The following ADPGK variants were observed in gnomAD, a reference collection of about 807,000 sequenced individuals.
ADPGK encodes ADP-dependent glucokinase.
Under a neutral mutation model 42.4 loss-of-function variants are expected in ADPGK, and 26 were observed. The observed-to-expected ratio is 0.61, with a 90% CI of 0.45 to 0.85. The LOEUF is 0.85. Among genes scored for constraint, ADPGK ranks in the 40% least tolerant of loss-of-function variants. ADPGK has a pLI of 0.00. For missense variants in ADPGK, 571 were observed against 627.0 expected, an observed-to-expected ratio of 0.91 and a Z score of 0.95; for synonymous variants, 267 against 252.6, an observed-to-expected ratio of 1.06 and a Z score of -0.54.
At chr15:72,779,759 C>T (rs2066434341) in intron 1 of ADPGK, among the ~76,000 whole-genome samples, 1 of 152,178 alleles carries the variant, frequency 6.6e-6, no homozygotes, top group Non-Finnish European at 1.5e-5. Context: ...GTGATCCTAT[C>T]CAGTCTCTGG....
chr15:72,755,423 TG>T (rs1428354857), intron 6 of ADPGK, 132 bp downstream of exon 6: 16 of 635,884 alleles, frequency 2.5e-5, no homozygotes, highest in Non-Finnish European at 3.6e-5. Flanking sequence ...TCCATGGACT[TG>T]GGTCTGAGTG....
intron 1 of ADPGK, among the ~76,000 whole-genome samples, chr15:72,779,049 A>G (rs1053520974): frequency 9.2e-5 from 14 of 152,168 alleles, no homozygotes; most frequent in Non-Finnish European, 4.4e-5. Flanking sequence ...TCAAACCCAG[A>G]TTTATCTGAT....
At chr15:72,783,193 G>A in intron 1 of ADPGK, 1 of 1,213,386 alleles carries the variant, frequency 8.2e-7, no homozygotes, top group Non-Finnish European at 1.0e-6. Flanking sequence ...AAGGCTCGGA[G>A]AAAGGTGTCA....
intron 6 of ADPGK, among the ~76,000 whole-genome samples, chr15:72,754,184 T>C (rs537641631): frequency 6.6e-6 from 1 of 151,520 alleles, no homozygotes; most frequent in East Asian, 1.9e-4. Context: ...TATTCAAGGA[T>C]GTGGAACCTG....
chr15:72,770,427 TC>T (rs2066314745), intron 3 of ADPGK, among the ~76,000 whole-genome samples: 1 of 152,158 alleles, frequency 6.6e-6, no homozygotes, highest in African/African-American at 2.4e-5. Context: ...CTGGGTATTG[TC>T]TTCCCAGAGG....
At chr15:72,773,732 A>G (rs568270587) in intron 2 of ADPGK, among the ~76,000 whole-genome samples, 2 of 152,348 alleles carry the variant, frequency 1.3e-5, no homozygotes, top group South Asian at 2.1e-4. Context: ...CTCATAAGAG[A>G]TAAGAATCTC....
At chr15:72,754,871 ATTTTC>A (rs1276006732) in intron 6 of ADPGK, among the ~76,000 whole-genome samples, 1 of 152,156 alleles carries the variant, frequency 6.6e-6, no homozygotes, top group Non-Finnish European at 1.5e-5. Flanking sequence ...ATATTTCTGT[ATTTTC>A]TTATACTTGT....
intron 3 of ADPGK, among the ~76,000 whole-genome samples, chr15:72,770,333 A>C (rs983650248): frequency 3.2e-4 from 48 of 152,222 alleles, no homozygotes; most frequent in African/African-American, 9.9e-4. Context: ...TCCCAGGACC[A>C]GCTACTCCAG....
At chr15:72,763,475 C>T (rs531782283) in intron 3 of ADPGK, among the ~76,000 whole-genome samples, 113 of 152,202 alleles carry the variant, frequency 7.4e-4, no homozygotes, top group Non-Finnish European at 1.3e-3. Context: ...CGTGAGCCAC[C>T]ATACCCAGCC....
At chr15:72,762,648 TTGTG>T (rs765264914) in intron 3 of ADPGK, among the ~76,000 whole-genome samples, 7 of 152,184 alleles carry the variant, frequency 4.6e-5, no homozygotes, top group Admixed American at 1.3e-4. Context: ...TTTCAAAACA[TTGTG>T]TGAACATCAG....
At chr15:72,779,309 C>T (rs977425283) in intron 1 of ADPGK, among the ~76,000 whole-genome samples, 6 of 136,950 alleles carry the variant, frequency 4.4e-5, no homozygotes, top group African/African-American at 1.1e-4. Context: ...AATGCAACGG[C>T]GCGATCTCGG....
intron 3 of ADPGK, among the ~76,000 whole-genome samples, chr15:72,761,089 C>T (rs993537062): frequency 3.3e-5 from 5 of 152,186 alleles, no homozygotes; most frequent in African/African-American, 1.2e-4. Flanking sequence ...AGACTTCTCA[C>T]CAGAAGCCAC....
intron 3 of ADPGK, among the ~76,000 whole-genome samples, chr15:72,765,735 C>G (rs530669830): frequency 6.6e-6 from 1 of 152,132 alleles, no homozygotes; most frequent in Non-Finnish European, 1.5e-5. Flanking sequence ...AGCCAGAGAA[C>G]TAGAATTAGA....
At chr15:72,774,286 G>A (rs2066363092) in intron 2 of ADPGK, among the ~76,000 whole-genome samples, 3 of 152,174 alleles carry the variant, frequency 2.0e-5, no homozygotes, top group Admixed American at 1.3e-4. Flanking sequence ...AAATGAGGAG[G>A]AAGAATGGGG....
At chr15:72,778,427 A>G (rs1401966856) in intron 1 of ADPGK, among the ~76,000 whole-genome samples, 3 of 152,180 alleles carry the variant, frequency 2.0e-5, no homozygotes, top group African/African-American at 7.2e-5. Context: ...GTCAAGGGGA[A>G]ATAAAGGGAG....
chr15:72,755,888 T>G, intron 5 of ADPGK: 2 of 655,742 alleles, frequency 3.0e-6, no homozygotes, highest in South Asian at 1.5e-5. Flanking sequence ...GAGATGGCAG[T>G]TCACTTCGAC....
intron 1 of ADPGK, among the ~76,000 whole-genome samples, chr15:72,777,411 C>A (rs187807839): frequency 1.9e-4 from 29 of 152,226 alleles, no homozygotes; most frequent in African/African-American, 6.7e-4. Flanking sequence ...ACTATAAACA[C>A]CCTCAAGCCT....
At chr15:72,780,815 TA>T (rs1328702923) in intron 1 of ADPGK, among the ~76,000 whole-genome samples, 1 of 152,172 alleles carries the variant, frequency 6.6e-6, no homozygotes, top group Non-Finnish European at 1.5e-5. Context: ...TATCCAATAT[TA>T]AAAACCTGTC....
At chr15:72,781,332 C>T (rs1055694211) in intron 1 of ADPGK, among the ~76,000 whole-genome samples, 10 of 152,134 alleles carry the variant, frequency 6.6e-5, no homozygotes, top group African/African-American at 2.4e-4. Context: ...CTGGTCCAAC[C>T]CTTCGTTCTC....
Sources: gnomAD v4.1 joint callset for allele counts (sites outside exome capture counted in the v4.1 genomes callset) on GRCh38, gnomAD v4.1.1 for gene constraint, MANE v1.5 for transcripts, NCBI Gene and HGNC (gene_info 2026-07-23, HGNC 2026-07-21) for gene names.